GLIS3: variants seen among roughly 807,000 people sequenced by gnomAD.
GLIS3 encodes the protein zinc finger protein GLIS3.
GLIS3 carries 53 observed loss-of-function variants against 78.6 expected under a neutral mutation model. The ratio of observed to expected loss-of-function variants is 0.67; its 90% CI spans 0.54 to 0.85. The LOEUF is 0.85. GLIS3 is among the 40% of genes least tolerant of loss of function. GLIS3 has a pLI of 0.00. For synonymous variants in GLIS3, 684 were observed against 509.9 expected (o/e 1.34, Z -4.60); for missense variants, 1,703 against 1,231.1 (o/e 1.38, Z -5.74).
chr9:4,367,633 C>CAAAAAAAA, the GLIS3 span, among the ~76,000 whole-genome samples: 3 of 61,998 alleles, frequency 4.8e-5, no homozygotes, highest in Non-Finnish European at 6.2e-5. Flanking sequence ...GACTCCATCT[C>CAAAAAAAA]AAAAAAAAAA....
At chr9:4,110,983 G>A (rs539327679) in intron 4 of GLIS3, among the ~76,000 whole-genome samples, 2 of 152,158 alleles carry the variant, frequency 1.3e-5, no homozygotes, top group African/African-American at 4.8e-5. Context: ...CAAAGAAAAG[G>A]TAATCAAGAA....
At chr9:4,307,544 C>G (rs995503724) in intron 4 of GLIS3, among the ~76,000 whole-genome samples, 1 of 148,006 alleles carries the variant, frequency 6.8e-6, no homozygotes, top group African/African-American at 2.4e-5. Context: ...GCCCTGCATC[C>G]CAACAAAAAA....
intron 2 of GLIS3, among the ~76,000 whole-genome samples, chr9:4,339,217 T>C (rs766787432): frequency 3.2e-4 from 49 of 152,332 alleles, no homozygotes; most frequent in Non-Finnish European, 5.7e-4. Context: ...AAGCCAGTCC[T>C]CAATGACTGG....
At chr9:4,196,727 G>A (rs945169399) in intron 2 of GLIS3, among the ~76,000 whole-genome samples, 2 of 152,160 alleles carry the variant, frequency 1.3e-5, no homozygotes, top group African/African-American at 2.4e-5. Flanking sequence ...TTTAAGAACT[G>A]TAACACTCAC....
chr9:4,113,192 A>C (rs1200232525), intron 4 of GLIS3, among the ~76,000 whole-genome samples: 1 of 152,082 alleles, frequency 6.6e-6, no homozygotes, highest in East Asian at 1.9e-4. Flanking sequence ...TGCGTATTTT[A>C]ATTTTAAACT....
chr9:4,147,661 G>C (rs1586808398), intron 2 of GLIS3: 2 of 134,006 alleles, frequency 1.5e-5, no homozygotes, highest in Admixed American at 1.6e-4. Flanking sequence ...AAGAAACAAT[G>C]ACTCCCTTCA....
chr9:4,399,040 C>T, the GLIS3 span, among the ~76,000 whole-genome samples: 1 of 152,134 alleles, frequency 6.6e-6, no homozygotes, highest in African/African-American at 2.4e-5. Flanking sequence ...ATATTTTATG[C>T]TAGGGGTGAG....
intron 4 of GLIS3, among the ~76,000 whole-genome samples, chr9:3,968,396 C>T (rs1226916224): frequency 6.6e-6 from 1 of 152,166 alleles, no homozygotes; most frequent in South Asian, 2.1e-4. Context: ...AGTTAAGCAA[C>T]AAACAAAATT....
At chr9:4,322,406 A>G (rs547119607) in intron 2 of GLIS3, among the ~76,000 whole-genome samples, 12 of 152,266 alleles carry the variant, frequency 7.9e-5, no homozygotes, top group African/African-American at 2.4e-4. Flanking sequence ...AGGATTGGGT[A>G]TATTACTCAA....
chr9:4,325,711 T>G (rs1273516699), intron 2 of GLIS3, among the ~76,000 whole-genome samples: 14 of 152,154 alleles, frequency 9.2e-5, no homozygotes, highest in Non-Finnish European at 1.5e-5. Context: ...GATAAATATG[T>G]TTGTTTTTAT....
At chr9:4,270,724 G>A (rs752404785) in intron 2 of GLIS3, among the ~76,000 whole-genome samples, 2 of 152,164 alleles carry the variant, frequency 1.3e-5, no homozygotes, top group Non-Finnish European at 2.9e-5. Context: ...GACGATCTCT[G>A]AGCTAGAACA....
At chr9:4,255,254 G>C (rs1259634118) in intron 2 of GLIS3, among the ~76,000 whole-genome samples, 1 of 152,214 alleles carries the variant, frequency 6.6e-6, no homozygotes, top group Non-Finnish European at 1.5e-5. Context: ...CTCTCATTCA[G>C]TGCTGGTGGG....
chr9:3,991,141 A>AT (rs1820197995), intron 4 of GLIS3, among the ~76,000 whole-genome samples: 1 of 152,204 alleles, frequency 6.6e-6, no homozygotes, highest in Non-Finnish European at 1.5e-5. Context: ...AGAATGTTAG[A>AT]TAAAAAGGAG....
At chr9:4,247,421 C>T (rs1823901918) in intron 2 of GLIS3, among the ~76,000 whole-genome samples, 1 of 152,044 alleles carries the variant, frequency 6.6e-6, no homozygotes, top group Non-Finnish European at 1.5e-5. Flanking sequence ...ATAAAGTATG[C>T]AAAAATAATT....
chr9:4,275,897 A>G (rs564709191), intron 2 of GLIS3, among the ~76,000 whole-genome samples: 1 of 152,330 alleles, frequency 6.6e-6, no homozygotes, highest in East Asian at 1.9e-4. Flanking sequence ...TGCTGCCTTT[A>G]ATCAAATCAC....
At chr9:3,903,806 G>C (rs1823479672) in intron 6 of GLIS3, among the ~76,000 whole-genome samples, 1 of 152,114 alleles carries the variant, frequency 6.6e-6, no homozygotes, top group African/African-American at 2.4e-5. Context: ...GAGTGATAGG[G>C]GGAATTTTGA....
chr9:4,032,019 C>A (rs1398505054), intron 4 of GLIS3, among the ~76,000 whole-genome samples: 2 of 152,086 alleles, frequency 1.3e-5, no homozygotes, highest in African/African-American at 4.8e-5. Flanking sequence ...CCCAGGAGGT[C>A]CTTTTAGCCT....
At chr9:3,886,853 G>A (rs945871955) in intron 7 of GLIS3, among the ~76,000 whole-genome samples, 1 of 152,020 alleles carries the variant, frequency 6.6e-6, no homozygotes, top group African/African-American at 2.4e-5. Context: ...GAGGTTAATT[G>A]GAGAACGAGA....
At chr9:4,073,717 C>T (rs898152963) in intron 4 of GLIS3, among the ~76,000 whole-genome samples, 6 of 152,204 alleles carry the variant, frequency 3.9e-5, no homozygotes, top group South Asian at 2.1e-4. Flanking sequence ...TGAATTCAAA[C>T]GCTTGCTCCC....
Sources: allele counts gnomAD v4.1 joint callset (sites outside exome capture counted in the v4.1 genomes callset), GRCh38; gene constraint gnomAD v4.1.1; transcripts MANE v1.5; gene names NCBI Gene and HGNC (gene_info 2026-07-23, HGNC 2026-07-21).